The following HTRA1 variants were observed in gnomAD, a reference collection of about 807,000 sequenced individuals.
HTRA1 encodes serine protease HTRA1.
HTRA1 carries 26 observed loss-of-function variants against 49.7 expected under a neutral mutation model. The observed-to-expected ratio is 0.52, with a 90% CI of 0.38 to 0.73. The LOEUF (loss-of-function observed/expected upper bound fraction) is 0.73. HTRA1 is among the 30% of genes least tolerant of loss of function. The pLI, the probability that HTRA1 is intolerant of heterozygous loss-of-function variation, is 0.00. For missense variants in HTRA1, 561 were observed against 667.2 expected (o/e 0.84, Z 1.75); for synonymous variants, 291 against 286.9 (o/e 1.01, Z -0.14).
chr10:122,465,720 A>G (rs1380653271), intron 1 of HTRA1, among the ~76,000 whole-genome samples: 1 of 152,194 alleles, frequency 6.6e-6, no homozygotes, highest in Non-Finnish European at 1.5e-5. Flanking sequence ...AGCCCTCACT[A>G]AAGAAAAGCA....
intron 1 of HTRA1, among the ~76,000 whole-genome samples, chr10:122,476,448 G>A (rs2133913720): frequency 6.6e-6 from 1 of 152,336 alleles, no homozygotes; most frequent in South Asian, 2.1e-4. Context: ...CACACCTGCT[G>A]CAGGCATCCA....
Position 122,462,132 on chromosome 10 carries a change from G to A in HTRA1, c.472+8G>A, listed in dbSNP as rs1178957446. On this transcript the variant is annotated splice_region_variant and intron_variant, in intron 1 of 8. Transcript: ENST00000368984. ...GCGGAGCCTGCGGCCAAGGTACTCCGCCGCGCTCCTGGGCAGCTCCCCACT... is the reference window on the plus strand; with the variant it reads ...GCGGAGCCTGCGGCCAAGGTACTCCACCGCGCTCCTGGGCAGCTCCCCACT... 1 of 1,529,424 alleles carries A rather than the reference G, an allele frequency of 6.5e-7. No individual in the cohort carries two copies. Among genetic ancestry groups the A allele is most frequent in the South Asian group, 1.2e-5 (1 of 83,752 alleles). The allele number at this position is 1,529,424 out of a possible 1,614,324, so 94.7% of individuals were successfully genotyped here. A position where few individuals can be genotyped will look rare whatever the true frequency, so the allele number is the denominator to read the frequency against.
At chr10:122,475,318 C>T (rs914032266) in intron 1 of HTRA1, among the ~76,000 whole-genome samples, 23 of 152,280 alleles carry the variant, frequency 1.5e-4, no homozygotes, top group African/African-American at 4.6e-4. Context: ...GAGACTGTCC[C>T]GGAAAGAGAG....
chr10:122,485,506 A>C (rs779275292), intron 1 of HTRA1, among the ~76,000 whole-genome samples: 3 of 152,206 alleles, frequency 2.0e-5, no homozygotes, highest in Non-Finnish European at 2.9e-5. Flanking sequence ...CAGACTTCAC[A>C]TCTCATTCCA....
chr10:122,489,487 G>T lies in HTRA1; in HGVS notation c.638G>T (p.Gly213Val). ...TCTGGGTTTATTGTGTCGGAAGATG[G>T]ACTGATCGTGACAAATGCCCACGTG... ...SGSGFIVSED[G>V]LIVTNAHVVT... The change falls in exon 3 of 9, where the codon GGA (glycine) becomes GTA (valine). Residue 213 changes from glycine (G) to valine (V), a missense_variant. By Grantham distance (109) the Gly-to-Val change is moderately radical (BLOSUM62 -3). Coordinates refer to ENST00000368984, the MANE Select transcript of HTRA1 (RefSeq NM_002775.5). 6.2e-7 allele frequency: 1 copy of T among 1,614,214 alleles called. No individual in the cohort carries two copies. The highest frequency in any genetic ancestry group is 8.5e-7 in the Non-Finnish European group (1 of 1,180,038).
At chr10:122,477,671 C>A (rs764034177) in intron 1 of HTRA1, among the ~76,000 whole-genome samples, 2 of 152,164 alleles carry the variant, frequency 1.3e-5, no homozygotes, top group Non-Finnish European at 2.9e-5. Flanking sequence ...TGTCTGCAGG[C>A]GACCAGGAGA....
intron 1 of HTRA1, among the ~76,000 whole-genome samples, chr10:122,481,206 T>G (rs67307815): frequency 0.21 from 31,844 of 152,156 alleles, 3,594 homozygotes; most frequent in South Asian, 0.43. Flanking sequence ...GAACCAGCAG[T>G]TTCCCCTGCC....
At position 122,487,318 on chromosome 10, in the gene HTRA1, G is replaced by T. The variant is rs895196787; in HGVS notation, c.473-1584G>T. Among the ~76,000 whole-genome samples, 1 of 152,130 alleles carries T rather than the reference G, an allele frequency of 6.6e-6. No individual in the cohort carries two copies. The highest frequency in any genetic ancestry group is 2.4e-5 in the African/African-American group (1 of 41,418). ...CTGCTTTAGCAGAGACTTGTTAAGAGGTAGCAGCAGGTGGCAAGATTAGGA... is the reference window on the plus strand; with the variant it reads ...CTGCTTTAGCAGAGACTTGTTAAGATGTAGCAGCAGGTGGCAAGATTAGGA... On this transcript the variant is annotated intron_variant, in intron 1 of 8. Coordinates refer to ENST00000368984, the MANE Select transcript of HTRA1 (RefSeq NM_002775.5). This position sits in a 1 kb window ranked among gnomAD's most constrained non-coding sequence, Gnocchi z 4.8.
rs1340609804 is a variant in HTRA1 at position 122,510,289 on chromosome 10, T to A, written c.1178+136T>A. Reference sequence around the variant, plus strand: ...AGTTTCTGCTTATAATGAAGTAGCATCGGGAAAGAGGACAGGTCATTAGCC... The same window carrying A: ...AGTTTCTGCTTATAATGAAGTAGCAACGGGAAAGAGGACAGGTCATTAGCC... On this transcript the variant is annotated intron_variant, in intron 7 of 8. Coordinates refer to ENST00000368984, the MANE Select transcript of HTRA1 (RefSeq NM_002775.5). The A allele has an allele frequency of 2.9e-5, 22 of 762,850 alleles. No homozygotes were observed. In the East Asian group the frequency reaches 5.7e-4, roughly 20 times the overall value. The allele number at this position is 762,850 out of a possible 1,614,324, so 47.3% of individuals were successfully genotyped here.
At position 122,511,966 on chromosome 10, in the gene HTRA1, G is replaced by A. The variant is rs2097505857; in HGVS notation, c.1179-4G>A. On this transcript the variant is annotated splice_polypyrimidine_tract_variant and splice_region_variant and intron_variant, in intron 7 of 8. Coordinates refer to ENST00000368984, the MANE Select transcript of HTRA1 (RefSeq NM_002775.5). Reference sequence around the variant, plus strand: ...CTAACACGGGTGCTTTTTCTCTGGAGCAGCAAAGCCAAAGAGCTGAAGGAC... The same window carrying A: ...CTAACACGGGTGCTTTTTCTCTGGAACAGCAAAGCCAAAGAGCTGAAGGAC... 6.2e-7 allele frequency: 1 copy of A among 1,613,038 alleles called. No individual in the cohort carries two copies. The highest frequency in any genetic ancestry group is 1.7e-4 in the Middle Eastern group (1 of 5,962).
At chr10:122,511,762 AT>A (rs1486362850) in intron 7 of HTRA1, among the ~76,000 whole-genome samples, 1 of 129,888 alleles carries the variant, frequency 7.7e-6, no homozygotes, top group African/African-American at 2.6e-5. Flanking sequence ...AAAAAAATAA[AT>A]AAATAATAAA....
intron 1 of HTRA1, among the ~76,000 whole-genome samples, chr10:122,468,589 AT>A: frequency 6.6e-6 from 1 of 152,278 alleles, no homozygotes; most frequent in African/African-American, 2.4e-5. Flanking sequence ...CTGACTCGGA[AT>A]TTGCCATCTA....
intron 1 of HTRA1, among the ~76,000 whole-genome samples, chr10:122,468,768 C>G (rs1466430327): frequency 6.6e-6 from 1 of 152,178 alleles, no homozygotes. Flanking sequence ...CTCGTTAACT[C>G]TCCCTGGAGC....
chr10:122,476,484 G>A (rs998144935), intron 1 of HTRA1, among the ~76,000 whole-genome samples: 1 of 152,092 alleles, frequency 6.6e-6, no homozygotes, highest in Non-Finnish European at 1.5e-5. Flanking sequence ...CCTGTGGCTC[G>A]TCCAGAGGGG....
chr10:122,485,446 A>G (rs574469419), intron 1 of HTRA1, among the ~76,000 whole-genome samples: 12 of 152,328 alleles, frequency 7.9e-5, no homozygotes, highest in African/African-American at 2.4e-4. Context: ...ATCTTCCTGC[A>G]GCACGCTGGG....
Position 122,506,570 on chromosome 10 carries a change from A to C in HTRA1, c.778-121A>C, listed in dbSNP as rs2097503150. The C allele has an allele frequency of 2.4e-6, 2 of 843,298 alleles. No homozygotes were observed. Among genetic ancestry groups the C allele is most frequent in the Non-Finnish European group, 2.0e-6 (1 of 504,592 alleles). The allele number at this position is 843,298 out of a possible 1,614,324, so 52.2% of individuals were successfully genotyped here. ...ATGTTAGTTGTGAGCTCAGTTCCCC[A>C]CCGGGCCTGGTGTTTCCAAATAGCC... On this transcript the variant is annotated intron_variant, in intron 3 of 8. Coordinates refer to ENST00000368984, the MANE Select transcript of HTRA1 (RefSeq NM_002775.5). The surrounding 1 kb of genome is among the most constrained non-coding windows in gnomAD (Gnocchi z 5.2).
intron 3 of HTRA1, among the ~76,000 whole-genome samples, chr10:122,495,063 C>T (rs1249708323): frequency 3.3e-5 from 5 of 152,130 alleles, no homozygotes; most frequent in Admixed American, 6.5e-5. Context: ...TGGTCAGATG[C>T]GCTGACTCAG....
At chr10:122,470,321 A>C (rs2097485586) in intron 1 of HTRA1, among the ~76,000 whole-genome samples, 1 of 152,172 alleles carries the variant, frequency 6.6e-6, no homozygotes, top group Non-Finnish European at 1.5e-5. Context: ...GGGGACAATG[A>C]TGCTGCCTAG....
chr10:122,489,545 G>C lies in HTRA1; in HGVS notation c.696G>C (p.Leu232=), dbSNP rs779125454. The change falls in exon 3 of 9, where the codon CTG becomes CTC. Residue 232 remains leucine, a synonymous_variant. Coordinates refer to ENST00000368984, the MANE Select transcript of HTRA1 (RefSeq NM_002775.5). ...ACAAGCACCGGGTCAAAGTTGAGCT[G>C]AAGAACGGTGCCACTTACGAAGCCA... ...VTNKHRVKVE[L]KNGATYEAKI... is the part of the protein sequence containing the mutation. 6.2e-7 allele frequency: 1 copy of C among 1,614,096 alleles called. No homozygotes were observed. Among genetic ancestry groups the C allele is most frequent in the African/African-American group, 1.3e-5 (1 of 74,934 alleles).
Sources: allele counts gnomAD v4.1 joint callset (sites outside exome capture counted in the v4.1 genomes callset), GRCh38; gene constraint gnomAD v4.1.1; non-coding constraint Gnocchi (gnomAD v3.1); transcripts MANE v1.5; gene names NCBI Gene and HGNC (gene_info 2026-07-23, HGNC 2026-07-21).